SNCAIP: variants seen among roughly 807,000 people sequenced by gnomAD.
The protein encoded by SNCAIP is synuclein alpha interacting protein.
Under a neutral mutation model 86.7 loss-of-function variants are expected in SNCAIP, and 43 were observed. The observed-to-expected ratio is 0.50, with a 90% CI of 0.39 to 0.64. The LOEUF (loss-of-function observed/expected upper bound fraction) is 0.64, where lower values mean the gene tolerates loss of function less well. Among genes scored for constraint, SNCAIP ranks in the 30% least tolerant of loss-of-function variants. The pLI is 0.00. For missense variants in SNCAIP, 981 were observed against 1,103.1 expected (o/e 0.89, Z 1.57); for synonymous variants, 417 against 427.2 (o/e 0.98, Z 0.29).
chr5:122,423,244 C>T lies in SNCAIP; in HGVS notation c.507C>T (p.Thr169=), dbSNP rs1177537232. 1.9e-6 allele frequency: 3 copies of T among 1,614,152 alleles called. No homozygotes were observed. Among genetic ancestry groups the T allele is most frequent in the Non-Finnish European group, 2.5e-6 (3 of 1,180,016 alleles). Residue 169 remains threonine, a synonymous_variant, in exon 4 of 11, where the codon ACC becomes ACT. Transcript: ENST00000261368. ...CCAGTCAGCAGCTTGCCTCTTTTAC[C>T]AAGGTGACTTCAGAAAAAAGAATTT... is the stretch of plus-strand genomic sequence containing the variant. ...IKSSQQLASF[T]KVTSEKRILG... is the part of the protein sequence containing the mutation.
chr5:122,462,065 TAC>T (rs757451108), intron 10 of SNCAIP, among the ~76,000 whole-genome samples: 3 of 152,364 alleles, frequency 2.0e-5, no homozygotes, highest in Non-Finnish European at 4.4e-5. Flanking sequence ...TGTCGCACTG[TAC>T]ACACAGTTTT....
chr5:122,401,005 A>T (rs1288437543), intron 2 of SNCAIP: 6 of 1,550,202 alleles, frequency 3.9e-6, no homozygotes, highest in Admixed American at 2.0e-5. Flanking sequence ...AGTCAAGGGA[A>T]CAGGCTACAA....
rs78594943 is a variant in SNCAIP at position 122,431,915 on chromosome 5, T to C, written c.1183-54T>C. On this transcript the variant is annotated intron_variant, in intron 5 of 10. Transcript: ENST00000261368. ...GTGAAATTACCATCTTTAATGTATT[T>C]TTCAAACCTGAGTTACCTTGAATTT... 1,314 of 888,220 alleles carry C rather than the reference T, an allele frequency of 1.5e-3. 11 individuals carry two copies. In the African/African-American group the frequency reaches 0.02, roughly 13 times the overall value. 55.0% of individuals were successfully genotyped at this position (888,220 alleles called of 1,614,324 possible).
intron 1 of SNCAIP, among the ~76,000 whole-genome samples, chr5:122,358,193 G>GTA (rs1561573725): frequency 2.0e-5 from 2 of 98,090 alleles, no homozygotes; most frequent in African/African-American, 8.2e-5. Context: ...GTGTGTGTGT[G>GTA]TGTGTGTGTG....
At position 122,463,685 on chromosome 5, in the gene SNCAIP, A is replaced by G. The variant is rs1214096457; in HGVS notation, c.*189A>G. ...AAAACAATGCCTCACCAGCAGAAGA[A>G]CAGAATATCAGGATGCCTTAAATTT... On this transcript the variant is annotated 3_prime_UTR_variant, in exon 11 of 11. Coordinates refer to ENST00000261368, the MANE Select transcript of SNCAIP (RefSeq NM_005460.4). The G allele has an allele frequency of 1.7e-6, 1 of 599,926 alleles. No homozygotes were observed. The allele number at this position is 599,926 out of a possible 1,614,324, so 37.2% of individuals were successfully genotyped here. A position where few individuals can be genotyped will look rare whatever the true frequency, so the allele number is the denominator to read the frequency against.
At chr5:122,454,745 G>A (rs1784382034) in intron 10 of SNCAIP, among the ~76,000 whole-genome samples, 1 of 152,188 alleles carries the variant, frequency 6.6e-6, no homozygotes, top group African/African-American at 2.4e-5. Flanking sequence ...AAACTCCTTG[G>A]GAAGGGGAAG....
At chr5:122,412,981 C>T (rs1774469000) in intron 3 of SNCAIP, among the ~76,000 whole-genome samples, 1 of 152,152 alleles carries the variant, frequency 6.6e-6, no homozygotes, top group South Asian at 2.1e-4. Context: ...TGTGTTGAGA[C>T]CTAACTCTCA....
At chr5:122,355,345 AATATGGTAAT>A (rs2152752424) in intron 1 of SNCAIP, among the ~76,000 whole-genome samples, 2 of 152,266 alleles carry the variant, frequency 1.3e-5, no homozygotes, top group South Asian at 4.2e-4. Context: ...TTCAAACTAA[AATATGGTAAT>A]ATAAGATCAT....
At chr5:122,420,767 T>C (rs1298273333) in intron 3 of SNCAIP, among the ~76,000 whole-genome samples, 1 of 152,232 alleles carries the variant, frequency 6.6e-6, no homozygotes, top group African/African-American at 2.4e-5. Flanking sequence ...CATGGCTTTA[T>C]ATTTTTAGAG....
intron 1 of SNCAIP, among the ~76,000 whole-genome samples, chr5:122,385,631 T>TG (rs1767951601): frequency 6.6e-6 from 1 of 151,884 alleles, no homozygotes; most frequent in Non-Finnish European, 1.5e-5. Context: ...AAATTGAAAA[T>TG]TTTTCCCAGT....
intron 1 of SNCAIP, among the ~76,000 whole-genome samples, chr5:122,387,182 GGA>G (rs1205528284): frequency 1.3e-5 from 2 of 151,920 alleles, no homozygotes; most frequent in East Asian, 3.9e-4. Flanking sequence ...TTTTTGCGAC[GGA>G]GTCTCGTTCT....
At chr5:122,337,780 T>C (rs948990366) in intron 1 of SNCAIP, among the ~76,000 whole-genome samples, 9 of 152,230 alleles carry the variant, frequency 5.9e-5, no homozygotes, top group African/African-American at 2.2e-4. Context: ...CCTCAGGTGA[T>C]GCGCCCACCT....
chr5:122,393,935 T>G (rs1770019526), intron 2 of SNCAIP, among the ~76,000 whole-genome samples: 1 of 152,238 alleles, frequency 6.6e-6, no homozygotes, highest in Admixed American at 6.5e-5. Context: ...GTTCTCAGGC[T>G]GTTTAGGTAA....
intron 1 of SNCAIP, among the ~76,000 whole-genome samples, chr5:122,383,182 C>T (rs1205787255): frequency 6.6e-6 from 1 of 150,632 alleles, no homozygotes; most frequent in East Asian, 1.9e-4. Context: ...GCTGTGCTAG[C>T]AATCAGCGAG....
At chr5:122,447,015 A>G (rs1782465026) in intron 8 of SNCAIP, among the ~76,000 whole-genome samples, 1 of 152,244 alleles carries the variant, frequency 6.6e-6, no homozygotes, top group Non-Finnish European at 1.5e-5. Context: ...TTATCAAGCT[A>G]CAGTGAGGTC....
chr5:122,445,049 C>T, intron 8 of SNCAIP: 1 of 392,190 alleles, frequency 2.5e-6, no homozygotes, highest in South Asian at 2.5e-5. Context: ...GCGCTGGAAG[C>T]ACTCATAGGC....
chr5:122,428,843 T>G (rs897770283), intron 5 of SNCAIP, among the ~76,000 whole-genome samples: 2 of 151,718 alleles, frequency 1.3e-5, no homozygotes, highest in African/African-American at 4.8e-5. Flanking sequence ...ACATGCGGTG[T>G]TTGGTTTTCT....
chr5:122,444,952 A>C (rs1051557212), intron 8 of SNCAIP: 2 of 576,236 alleles, frequency 3.5e-6, no homozygotes, highest in African/African-American at 3.7e-5. Context: ...TAAAGTGTAC[A>C]GCAAGCTCCC....
At chr5:122,380,796 G>A (rs889800376) in intron 1 of SNCAIP, among the ~76,000 whole-genome samples, 1 of 151,996 alleles carries the variant, frequency 6.6e-6, no homozygotes, top group Admixed American at 6.6e-5. Context: ...ATTTCGTTAT[G>A]TATCCAGTAG....
Sources: allele counts gnomAD v4.1 joint callset (sites outside exome capture counted in the v4.1 genomes callset), GRCh38; gene constraint gnomAD v4.1.1; transcripts MANE v1.5; gene names NCBI Gene and HGNC (gene_info 2026-07-23, HGNC 2026-07-21).